The following COL4A4 variants were observed in gnomAD, a reference collection of about 807,000 sequenced individuals.
The protein encoded by COL4A4 is collagen alpha-4(IV) chain.
COL4A4 carries 105 observed loss-of-function variants against 192.9 expected under a neutral mutation model. The observed-to-expected ratio is 0.54, with a 90% CI of 0.46 to 0.64. The LOEUF (loss-of-function observed/expected upper bound fraction) is 0.64, where lower values mean the gene tolerates loss of function less well. Ranked by LOEUF, COL4A4 falls within the 30% of genes least tolerant of loss-of-function variation. The probability of loss-of-function intolerance (pLI) is 0.00; values close to 1 mark genes in which losing one functional copy is unlikely to be tolerated. For missense variants in COL4A4, 1,967 were observed against 2,169.3 expected, an observed-to-expected ratio of 0.91 and a Z score of 1.85; for synonymous variants, 762 against 769.9, an observed-to-expected ratio of 0.99 and a Z score of 0.17.
At chr2:227,002,191 A>AGGCCACAAAGCAGTTATTGAATATC (rs1961161940), downstream of COL4A4, among the ~76,000 whole-genome samples, 1 of 140,464 alleles carries the variant, frequency 7.1e-6, no homozygotes, top group Non-Finnish European at 1.5e-5. Flanking sequence ...AAAAAAAAAA[A>AGGCCACAAAGCAGTTATTGAATATC]GGCCACAAAG....
At chr2:227,115,159 T>C (rs762968371) in intron 7 of COL4A4, among the ~76,000 whole-genome samples, 1 of 152,150 alleles carries the variant, frequency 6.6e-6, no homozygotes, top group Non-Finnish European at 1.5e-5. Flanking sequence ...TTTTTGTATA[T>C]AGTTGCTAGT....
chr2:227,021,773 C>A (rs1559428590), intron 44 of COL4A4, among the ~76,000 whole-genome samples: 1 of 151,982 alleles, frequency 6.6e-6, no homozygotes, highest in African/African-American at 2.4e-5. Context: ...TGCAGTGAGC[C>A]AAGATGGTGC....
intron 40 of COL4A4, 79 bp downstream of exon 40, chr2:227,031,866 C>G: frequency 9.4e-7 from 1 of 1,060,146 alleles, no homozygotes; most frequent in Non-Finnish European, 1.4e-6. Context: ...TTCTGCCACT[C>G]TCTGGTCCCA....
intron 34 of COL4A4, among the ~76,000 whole-genome samples, chr2:227,048,727 G>T (rs1196968898): frequency 6.6e-6 from 1 of 152,166 alleles, no homozygotes; most frequent in Non-Finnish European, 1.5e-5. Flanking sequence ...ATACAAGCAT[G>T]AAGGAAGTGA....
chr2:227,153,630 T>C (rs2064117741), intron 1 of COL4A4, among the ~76,000 whole-genome samples: 1 of 150,864 alleles, frequency 6.6e-6, no homozygotes. Flanking sequence ...TCTAGGAGAG[T>C]TGAAATTAGG....
chr2:227,160,110 C>T (rs948522521), intron 1 of COL4A4, among the ~76,000 whole-genome samples: 2 of 152,148 alleles, frequency 1.3e-5, no homozygotes, highest in African/African-American at 4.8e-5. Context: ...GTGAGGAAGT[C>T]TGTATAGTGA....
Position 227,101,898 on chromosome 2 carries a change from A to G in COL4A4, c.942T>C (p.Gly314=), listed in dbSNP as rs2060545170. The G allele has an allele frequency of 6.3e-7, 1 of 1,597,932 alleles. No individual in the cohort carries two copies. The highest frequency in any genetic ancestry group is 1.3e-5 in the African/African-American group (1 of 74,806). Residue 314 remains glycine, a synonymous_variant, in exon 16 of 48, where the codon GGT becomes GGC. Transcript: ENST00000396625. ...CTGGAAAACCTGGAGATCCATAGGAACCAGGATCCCCCTAATAAATTCACA... is the reference window on the plus strand; with the variant it reads ...CTGGAAAACCTGGAGATCCATAGGAGCCAGGATCCCCCTAATAAATTCACA... The part of the protein sequence containing the change: ...PGFPGPRGDP[G]SYGSPGFPGL...
chr2:226,997,449 T>G, the COL4A4 span: 1 of 152,156 alleles, frequency 6.6e-6, no homozygotes, highest in African/African-American at 2.4e-5. Context: ...CGTGGGAACA[T>G]GGATTGTGAA....
At chr2:227,105,299 T>C (rs1453480531) in intron 12 of COL4A4, among the ~76,000 whole-genome samples, 4 of 151,430 alleles carry the variant, frequency 2.6e-5, no homozygotes, top group Non-Finnish European at 5.9e-5. Flanking sequence ...CAAGTGATTC[T>C]TGTGCCTCAG....
intron 3 of COL4A4, among the ~76,000 whole-genome samples, chr2:227,142,097 CAAAAAA>C (rs531488311): frequency 0.37 from 44,530 of 119,578 alleles, 6,675 homozygotes; most frequent in Non-Finnish European, 0.43. Context: ...TTAGTAGATT[CAAAAAA>C]AAAAAAAAAA....
intron 41 of COL4A4, among the ~76,000 whole-genome samples, chr2:227,029,805 C>T (rs1265141002): frequency 6.6e-6 from 1 of 152,060 alleles, no homozygotes; most frequent in Non-Finnish European, 1.5e-5. Context: ...ACCTCAAATA[C>T]TGGGGAAATT....
intron 34 of COL4A4, among the ~76,000 whole-genome samples, chr2:227,049,064 G>A (rs1471083118): frequency 6.6e-6 from 1 of 152,138 alleles, no homozygotes; most frequent in Non-Finnish European, 1.5e-5. Flanking sequence ...AAGGATAACT[G>A]CATGTTAACC....
At chr2:226,989,982 C>T in the COL4A4 span, among the ~76,000 whole-genome samples, 34 of 152,270 alleles carry the variant, frequency 2.2e-4, no homozygotes, top group African/African-American at 7.9e-4. Flanking sequence ...GATAGAAATG[C>T]GAATGTTTTC....
In COL4A4 at chr2:227,156,391, C is replaced by T. The variant is rs112456361; in HGVS notation, c.-102+7616G>A. Among the ~76,000 whole-genome samples the T allele has an allele frequency of 9.5e-3, 989 of 103,952 alleles. 11 individuals are homozygous for T. Among genetic ancestry groups the T allele is most frequent in the African/African-American group, 0.032 (781 of 24,058 alleles). 68.2% of individuals were successfully genotyped at this position (103,952 alleles called of 152,430 possible). ...CAACCTAGGTGACACAGTGAAACCC[C>T]GTCTAAAAAAAAAAAAAAAGTGAAA... On this transcript the variant is annotated intron_variant, in intron 1 of 47. Transcript: ENST00000396625.
intron 19 of COL4A4, among the ~76,000 whole-genome samples, chr2:227,096,602 T>C (rs909350355): frequency 9.8e-5 from 15 of 152,292 alleles, no homozygotes; most frequent in African/African-American, 3.4e-4. Context: ...ATATTGAATC[T>C]TTACTATACA....
At chr2:227,134,571 A>G (rs1181936024) in intron 4 of COL4A4, among the ~76,000 whole-genome samples, 1 of 152,246 alleles carries the variant, frequency 6.6e-6, no homozygotes, top group African/African-American at 2.4e-5. Flanking sequence ...TGAGTTCTAG[A>G]ACTTTGAGTG....
chr2:227,091,090 T>A (rs987407264), intron 20 of COL4A4, among the ~76,000 whole-genome samples: 1 of 151,148 alleles, frequency 6.6e-6, no homozygotes, highest in African/African-American at 2.4e-5. Context: ...CCCCCTACTA[T>A]CCCCGCCAAA....
intron 20 of COL4A4, among the ~76,000 whole-genome samples, chr2:227,093,655 T>C (rs920157844): frequency 6.6e-6 from 1 of 152,110 alleles, no homozygotes; most frequent in Non-Finnish European, 1.5e-5. Context: ...GCCTCCAAAT[T>C]TTCAGAGAGG....
chr2:227,034,949 C>G (rs926961190), intron 37 of COL4A4, among the ~76,000 whole-genome samples: 6 of 151,874 alleles, frequency 4.0e-5, no homozygotes, highest in Non-Finnish European at 8.8e-5. Flanking sequence ...CCTCTCGGTG[C>G]ACAGCCAGCC....
Sources: gnomAD v4.1 joint callset for allele counts (sites outside exome capture counted in the v4.1 genomes callset) on GRCh38, gnomAD v4.1.1 for gene constraint, MANE v1.5 for transcripts, NCBI Gene and HGNC (gene_info 2026-07-23, HGNC 2026-07-21) for gene names.